DTNA: variants seen among roughly 807,000 people sequenced by gnomAD.
The protein encoded by DTNA is dystrobrevin alpha.
In DTNA, 43 loss-of-function variants were observed where a neutral mutation model predicts 100.7. The ratio of observed to expected loss-of-function variants is 0.43; its 90% confidence interval spans 0.33 to 0.55. The LOEUF (loss-of-function observed/expected upper bound fraction) is 0.55, where lower values mean the gene tolerates loss of function less well. DTNA is among the 20% of genes least tolerant of loss of function. DTNA has a pLI of 0.04. For synonymous variants in DTNA, 349 were observed against 347.9 expected, an observed-to-expected ratio of 1.00 and a Z score of -0.04; for missense variants, 798 against 953.9, an observed-to-expected ratio of 0.84 and a Z score of 2.15.
intron 1 of DTNA, among the ~76,000 whole-genome samples, chr18:34,747,541 T>C (rs1027686200): frequency 6.6e-6 from 1 of 152,162 alleles, no homozygotes; most frequent in Non-Finnish European, 1.5e-5. Flanking sequence ...GTCGTTCTTA[T>C]GCCTTTGCAT....
intron 3 of DTNA, among the ~76,000 whole-genome samples, chr18:34,774,117 C>A (rs1488535755): frequency 6.6e-6 from 1 of 152,230 alleles, no homozygotes; most frequent in Non-Finnish European, 1.5e-5. Flanking sequence ...GAAAAACCAT[C>A]ATCTTAAAAT....
chr18:34,876,394 T>C (rs754464565), intron 18 of DTNA, among the ~76,000 whole-genome samples: 6 of 152,182 alleles, frequency 3.9e-5, no homozygotes, highest in Non-Finnish European at 8.8e-5. Context: ...TTCCAGTATA[T>C]GTGTCAATCA....
At chr18:34,686,370 G>T (rs1336639533) in intron 1 of DTNA, among the ~76,000 whole-genome samples, 1 of 152,130 alleles carries the variant, frequency 6.6e-6, no homozygotes, top group Non-Finnish European at 1.5e-5. Context: ...TTTTATTGAA[G>T]GCCTTTTCTG....
chr18:34,734,753 G>A (rs1400813736), intron 1 of DTNA, among the ~76,000 whole-genome samples: 1 of 152,112 alleles, frequency 6.6e-6, no homozygotes, highest in Non-Finnish European at 1.5e-5. Flanking sequence ...AAGGTATTAT[G>A]TATAGAGTCA....
intron 1 of DTNA, among the ~76,000 whole-genome samples, chr18:34,521,265 C>G (rs2042123307): frequency 6.6e-6 from 1 of 152,116 alleles, no homozygotes; most frequent in African/African-American, 2.4e-5. Flanking sequence ...TCAGTAAGTT[C>G]TGTCAGCTGT....
chr18:34,544,665 C>G (rs2044586532), intron 1 of DTNA, among the ~76,000 whole-genome samples: 1 of 151,950 alleles, frequency 6.6e-6, no homozygotes, highest in Non-Finnish European at 1.5e-5. Flanking sequence ...AGCTATTTTT[C>G]ATAACATCTT....
At chr18:34,735,802 G>C (rs2089449446) in intron 1 of DTNA, among the ~76,000 whole-genome samples, 1 of 152,118 alleles carries the variant, frequency 6.6e-6, no homozygotes, top group South Asian at 2.1e-4. Context: ...ATTAAGCCCA[G>C]CATGCATTAG....
intron 2 of DTNA, among the ~76,000 whole-genome samples, chr18:34,756,377 C>T (rs867777578): frequency 6.6e-5 from 10 of 152,268 alleles, no homozygotes; most frequent in South Asian, 6.2e-4. Flanking sequence ...ACTTTAAAGT[C>T]TGTGTTCATC....
chr18:34,563,349 T>C (rs2046807034), intron 1 of DTNA, among the ~76,000 whole-genome samples: 1 of 152,196 alleles, frequency 6.6e-6, no homozygotes, highest in South Asian at 2.1e-4. Context: ...ATGAACAGTT[T>C]CTCTTCCAGG....
intron 1 of DTNA, among the ~76,000 whole-genome samples, chr18:34,550,370 G>A (rs1056091587): frequency 3.3e-5 from 5 of 152,010 alleles, no homozygotes; most frequent in Non-Finnish European, 7.4e-5. Context: ...TTTCGGCTAG[G>A]GGATCTATAT....
chr18:34,807,867 T>TTTAA (rs1568592332), intron 5 of DTNA, among the ~76,000 whole-genome samples: 1 of 139,120 alleles, frequency 7.2e-6, no homozygotes, highest in Non-Finnish European at 1.5e-5. Flanking sequence ...TTTTTTTTTT[T>TTTAA]CAAAAAAAAA....
At chr18:34,702,678 A>G (rs2081545622) in intron 1 of DTNA, among the ~76,000 whole-genome samples, 1 of 152,156 alleles carries the variant, frequency 6.6e-6, no homozygotes, top group Non-Finnish European at 1.5e-5. Flanking sequence ...TATATCACCC[A>G]TAATAAACAC....
chr18:34,868,865 G>A (rs555562895), intron 17 of DTNA: 4 of 798,388 alleles, frequency 5.0e-6, no homozygotes, highest in East Asian at 1.3e-4. Context: ...ATTTATTGAA[G>A]GAACCATAAA....
chr18:34,723,408 T>C (rs897413388), intron 1 of DTNA, among the ~76,000 whole-genome samples: 3 of 152,124 alleles, frequency 2.0e-5, no homozygotes, highest in African/African-American at 7.3e-5. Flanking sequence ...ATAGACGGTA[T>C]ATTTGTCAAA....
intron 1 of DTNA, among the ~76,000 whole-genome samples, chr18:34,748,815 G>A (rs2091973675): frequency 6.6e-6 from 1 of 151,954 alleles, no homozygotes; most frequent in Non-Finnish European, 1.5e-5. Context: ...GTGAATTTTA[G>A]GATTTATTTT....
chr18:34,503,946 CT>C (rs1466921624), intron 1 of DTNA: 7 of 152,104 alleles, frequency 4.6e-5, no homozygotes, highest in Admixed American at 3.3e-4. Flanking sequence ...CATCATTCTC[CT>C]GCTTCAGCCT....
chr18:34,747,042 G>A (rs879907083), intron 1 of DTNA, among the ~76,000 whole-genome samples: 1 of 151,308 alleles, frequency 6.6e-6, no homozygotes, highest in African/African-American at 2.4e-5. Context: ...TTTTTAAATG[G>A]CATTTTTCTG....
chr18:34,650,419 G>T (rs569826732), intron 1 of DTNA, among the ~76,000 whole-genome samples: 2 of 152,152 alleles, frequency 1.3e-5, no homozygotes, highest in Admixed American at 1.3e-4. Flanking sequence ...GCATGTTTGT[G>T]TGTTTTTCCT....
rs1379609754 is a variant in DTNA, at chr18:34,633,257, A to T, written c.-1-122719A>T. On this transcript the variant is annotated intron_variant, in intron 1 of 19. Coordinates refer to the DTNA transcript ENST00000283365. ...TCTGGTGCTCTGCCCAGCCCACAAAATCTCATTTGAAATCTAAAGTCGGTG... is the reference window on the plus strand; with the variant it reads ...TCTGGTGCTCTGCCCAGCCCACAAATTCTCATTTGAAATCTAAAGTCGGTG... Among the ~76,000 whole-genome samples the T allele has an allele frequency of 2.0e-5, 3 of 152,272 alleles. No homozygotes were observed. The East Asian group carries it at 5.8e-4, about 29-fold the overall frequency.
Sources: gnomAD v4.1 joint callset for allele counts (sites outside exome capture counted in the v4.1 genomes callset) on GRCh38, gnomAD v4.1.1 for gene constraint, MANE v1.5 for transcripts, NCBI Gene and HGNC (gene_info 2026-07-23, HGNC 2026-07-21) for gene names.